KSR2: variants seen among roughly 807,000 people sequenced by gnomAD.
KSR2 encodes the protein kinase suppressor of ras 2.
A neutral mutation model predicts 107.8 loss-of-function variants in KSR2; 25 were observed. The observed-to-expected ratio is 0.23, with a 90% CI of 0.17 to 0.32. The LOEUF (loss-of-function observed/expected upper bound fraction) is 0.32. Among genes scored for constraint, KSR2 ranks in the 10% least tolerant of loss-of-function variants. KSR2 has a pLI of 1.00. For synonymous variants in KSR2, 480 were observed against 507.0 expected, an observed-to-expected ratio of 0.95 and a Z score of 0.71; for missense variants, 887 against 1,268.9, an observed-to-expected ratio of 0.70 and a Z score of 4.57.
At chr12:117,789,214 T>C (rs1890177633) in intron 3 of KSR2, among the ~76,000 whole-genome samples, 1 of 152,162 alleles carries the variant, frequency 6.6e-6, no homozygotes, top group African/African-American at 2.4e-5. Context: ...TCTCACTCCG[T>C]AAAATGGTAG....
intron 18 of KSR2, 78 bp downstream of exon 18, chr12:117,471,113 C>T: frequency 6.4e-7 from 1 of 1,553,432 alleles, no homozygotes; most frequent in Non-Finnish European, 8.7e-7. Context: ...GTAACCTTAA[C>T]ACATAGTAAA....
At chr12:117,509,210 G>T (rs1049314577) in intron 14 of KSR2, among the ~76,000 whole-genome samples, 1 of 152,284 alleles carries the variant, frequency 6.6e-6, no homozygotes, top group African/African-American at 2.4e-5. Context: ...AGGTTGAAAG[G>T]CTTGTCTAGA....
rs1161046835 is a variant in KSR2, at chr12:117,874,166, C to A, written c.181-13735G>T. On this transcript the variant is annotated intron_variant, in intron 1 of 19. Transcript: ENST00000339824. ...TATTCATCTTAATCTACCAACATCT[C>A]TAAATAAATTATTTTCCAGAATGGT... 3.9e-5 allele frequency among the ~76,000 whole-genome samples: 6 copies of A among 152,298 alleles called. No homozygotes were observed. In the South Asian group the frequency reaches 1.0e-3, roughly 26 times the overall value.
chr12:117,781,594 A>G (rs1889891259), intron 3 of KSR2, among the ~76,000 whole-genome samples: 1 of 152,208 alleles, frequency 6.6e-6, no homozygotes, highest in South Asian at 2.1e-4. Context: ...ACTGCATTTG[A>G]GTTGTAAACT....
At chr12:117,796,498 G>A (rs908443002) in intron 3 of KSR2, among the ~76,000 whole-genome samples, 3 of 152,162 alleles carry the variant, frequency 2.0e-5, no homozygotes, top group Admixed American at 6.5e-5. Flanking sequence ...TGCTACATTC[G>A]TGGAAGCTCC....
intron 3 of KSR2, among the ~76,000 whole-genome samples, chr12:117,784,080 T>C (rs944684974): frequency 6.6e-6 from 1 of 152,216 alleles, no homozygotes; most frequent in Non-Finnish European, 1.5e-5. Flanking sequence ...CATGGGTACA[T>C]GTGCAGGTTT....
chr12:117,468,723 C>T (rs962350692), intron 19 of KSR2, among the ~76,000 whole-genome samples: 5 of 152,090 alleles, frequency 3.3e-5, no homozygotes, highest in Non-Finnish European at 5.9e-5. Context: ...TCTTCATGTA[C>T]CATGTAATGT....
At chr12:117,504,033 G>A (rs892297246) in intron 14 of KSR2, among the ~76,000 whole-genome samples, 3 of 152,160 alleles carry the variant, frequency 2.0e-5, no homozygotes, top group African/African-American at 4.8e-5. Flanking sequence ...AAAACCAACA[G>A]GCAAATGGGA....
Position 117,467,198 on chromosome 12 carries a change from G to A in KSR2, c.*1C>T. ...CTGGGCGCCGTCCCGATGTCCAAAG[G>A]TCACAGCCTGGAGTGGGGAGAGAAG... On this transcript the variant is annotated 3_prime_UTR_variant, in exon 20 of 20. Coordinates refer to ENST00000339824, the MANE Select transcript of KSR2 (RefSeq NM_173598.6). 2.7e-6 allele frequency: 2 copies of A among 732,804 alleles called. No individual in the cohort carries two copies. The highest frequency in any genetic ancestry group is 3.0e-5 in the South Asian group (2 of 67,718). 45.4% of individuals were successfully genotyped at this position (732,804 alleles called of 1,614,324 possible). A position where few individuals can be genotyped will look rare whatever the true frequency, so the allele number is the denominator to read the frequency against.
chr12:117,492,141 G>C (rs1343199601), intron 14 of KSR2, among the ~76,000 whole-genome samples: 1 of 152,184 alleles, frequency 6.6e-6, no homozygotes, highest in Admixed American at 6.5e-5. Context: ...TCCCAGCCTG[G>C]CCTCAGGCAG....
chr12:117,800,790 C>T (rs1347621272), intron 3 of KSR2, among the ~76,000 whole-genome samples: 1 of 152,014 alleles, frequency 6.6e-6, no homozygotes, highest in African/African-American at 2.4e-5. Flanking sequence ...GTGATGTTCC[C>T]CTCCCTGTGT....
Position 117,779,190 on chromosome 12 carries a change from A to G in KSR2, c.473-17666T>C, listed in dbSNP as rs147517820. Among the ~76,000 whole-genome samples, 36 of 152,328 alleles carry G rather than the reference A, an allele frequency of 2.4e-4. No homozygotes were observed. The East Asian group carries it at 6.6e-3, about 28-fold the overall frequency. On this transcript the variant is annotated intron_variant, in intron 3 of 19. Transcript: ENST00000339824. The stretch of plus-strand genomic sequence containing the variant: ...AGAAATGTGGATACTTCTAAGAGAA[A>G]GGTGCTGTGTAAACGTCTATCAACC...
At chr12:117,537,434 G>T (rs1018925921) in intron 10 of KSR2, among the ~76,000 whole-genome samples, 6 of 152,154 alleles carry the variant, frequency 3.9e-5, no homozygotes, top group African/African-American at 1.4e-4. Context: ...AATCCAAGGA[G>T]CCCAGATTTG....
intron 1 of KSR2, among the ~76,000 whole-genome samples, chr12:117,949,728 G>C (rs1386315852): frequency 6.6e-6 from 1 of 152,160 alleles, no homozygotes; most frequent in East Asian, 1.9e-4. Context: ...GGTGGAAAAA[G>C]AATCAGAAAA....
intron 4 of KSR2, among the ~76,000 whole-genome samples, chr12:117,739,317 T>C (rs1480055401): frequency 6.6e-6 from 1 of 152,196 alleles, no homozygotes; most frequent in Non-Finnish European, 1.5e-5. Flanking sequence ...AGCGCGCCAC[T>C]GCACTCCAGC....
intron 4 of KSR2, among the ~76,000 whole-genome samples, chr12:117,701,799 T>C (rs1886332671): frequency 6.6e-6 from 1 of 152,096 alleles, no homozygotes; most frequent in African/African-American, 2.4e-5. Context: ...CCAAGGAATG[T>C]CAAGGATTTC....
rs376498140 is a variant in KSR2, at chr12:117,570,546, C to T, written c.1325+8573G>A. On this transcript the variant is annotated intron_variant, in intron 7 of 19. Coordinates refer to ENST00000339824, the MANE Select transcript of KSR2 (RefSeq NM_173598.6). ...CAGAGAACAAGAACTACAGAAAAGGCGAAAATGGGCTAAAATTTTCCAGAA... is the reference window on the plus strand; with the variant it reads ...CAGAGAACAAGAACTACAGAAAAGGTGAAAATGGGCTAAAATTTTCCAGAA... Among the ~76,000 whole-genome samples the T allele has an allele frequency of 1.2e-4, 19 of 152,232 alleles. No homozygotes were observed. In the East Asian group the frequency reaches 1.5e-3, roughly 12 times the overall value.
At chr12:117,656,987 T>TATATATATATATATATATATAATAGG (rs1884201674) in intron 5 of KSR2, among the ~76,000 whole-genome samples, 1 of 26,706 alleles carries the variant, frequency 3.7e-5, no homozygotes, top group African/African-American at 1.1e-4. Flanking sequence ...ATAGGATATA[T>TATATATATATATATATATATAATAGG]ATATATATAT....
At chr12:117,701,482 C>G (rs1886309995) in intron 4 of KSR2, among the ~76,000 whole-genome samples, 1 of 152,070 alleles carries the variant, frequency 6.6e-6, no homozygotes, top group South Asian at 2.1e-4. Context: ...AAATAAAGAT[C>G]AAATTCTTTA....
Sources: allele counts gnomAD v4.1 joint callset (sites outside exome capture counted in the v4.1 genomes callset), GRCh38; gene constraint gnomAD v4.1.1; transcripts MANE v1.5; gene names NCBI Gene and HGNC (gene_info 2026-07-23, HGNC 2026-07-21).